The following CABLES1 variants were observed in gnomAD, a reference collection of about 807,000 sequenced individuals.
CABLES1 encodes the protein CDK5 and ABL1 enzyme substrate 1.
In CABLES1, 36 loss-of-function variants were observed where a neutral mutation model predicts 57.8. That is an observed-to-expected ratio of 0.62 (90% CI 0.48 to 0.82). The LOEUF is 0.82. Among genes scored for constraint, CABLES1 ranks in the 40% least tolerant of loss-of-function variants. The pLI is 0.00. For missense variants in CABLES1, 767 were observed against 836.6 expected (o/e 0.92, Z 1.03); for synonymous variants, 374 against 363.0 (o/e 1.03, Z -0.35).
chr18:23,239,728 T>A (rs2047688894), intron 7 of CABLES1, among the ~76,000 whole-genome samples: 1 of 152,192 alleles, frequency 6.6e-6, no homozygotes, highest in African/African-American at 2.4e-5. Context: ...CCACAACCCC[T>A]CTTCTCCTCC....
At chr18:23,182,573 C>G (rs886690063) in intron 1 of CABLES1, among the ~76,000 whole-genome samples, 2 of 152,232 alleles carry the variant, frequency 1.3e-5, no homozygotes, top group Non-Finnish European at 2.9e-5. Context: ...AAGGTGGGCT[C>G]AGGCTTTGGT....
chr18:23,203,957 C>G (rs1401292765), intron 3 of CABLES1, among the ~76,000 whole-genome samples: 2 of 152,136 alleles, frequency 1.3e-5, no homozygotes, highest in Non-Finnish European at 2.9e-5. Flanking sequence ...TCCTTGTCAT[C>G]ATCGGTGTTT....
intron 1 of CABLES1, 50 bp from the exon 2 acceptor site, chr18:23,188,788 C>T: frequency 8.1e-7 from 1 of 1,241,372 alleles, no homozygotes; most frequent in Non-Finnish European, 1.2e-6. Context: ...AATGTCTGAT[C>T]AGTTCTGCAA....
At chr18:23,223,119 C>T (rs369942715) in intron 4 of CABLES1, among the ~76,000 whole-genome samples, 5 of 152,190 alleles carry the variant, frequency 3.3e-5, no homozygotes, top group East Asian at 3.9e-4. Flanking sequence ...AGTCTTTGCT[C>T]GAGCCCTGTT....
intron 1 of CABLES1, among the ~76,000 whole-genome samples, chr18:23,172,712 T>G (rs2047091515): frequency 6.6e-6 from 1 of 152,226 alleles, no homozygotes; most frequent in Non-Finnish European, 1.5e-5. Flanking sequence ...AAGTGAATAT[T>G]CACGTGGCTT....
chr18:23,153,785 C>T (rs1027614831), intron 1 of CABLES1, among the ~76,000 whole-genome samples: 8 of 152,094 alleles, frequency 5.3e-5, no homozygotes, highest in African/African-American at 1.9e-4. Context: ...AGTCCCAACA[C>T]TTTGAGAGGC....
intron 3 of CABLES1, among the ~76,000 whole-genome samples, chr18:23,194,748 A>G (rs1264076060): frequency 6.6e-6 from 1 of 152,254 alleles, no homozygotes; most frequent in Non-Finnish European, 1.5e-5. Flanking sequence ...AATGCTCTCT[A>G]AGGCGAAGTG....
At chr18:23,217,081 T>C (rs1433668382) in intron 4 of CABLES1, among the ~76,000 whole-genome samples, 2 of 152,098 alleles carry the variant, frequency 1.3e-5, no homozygotes, top group Non-Finnish European at 2.9e-5. Flanking sequence ...TGTTTTGTTT[T>C]TTGTTTTTGT....
intron 1 of CABLES1, among the ~76,000 whole-genome samples, chr18:23,161,063 A>G (rs116497218): frequency 0.014 from 2,088 of 150,636 alleles, 55 homozygotes; most frequent in African/African-American, 0.048. Context: ...TGTGAAAACA[A>G]CTGGGTATGG....
At chr18:23,193,205 T>C (rs912663596) in intron 2 of CABLES1, among the ~76,000 whole-genome samples, 1 of 151,670 alleles carries the variant, frequency 6.6e-6, no homozygotes, top group African/African-American at 2.4e-5. Context: ...TTTTTTTTTT[T>C]TTTCCAGACT....
At chr18:23,241,637 G>A (rs1171821866) in intron 7 of CABLES1, among the ~76,000 whole-genome samples, 1 of 152,224 alleles carries the variant, frequency 6.6e-6, no homozygotes, top group African/African-American at 2.4e-5. Flanking sequence ...ATGTTCTTGT[G>A]CATGGCTTTC....
intron 1 of CABLES1, among the ~76,000 whole-genome samples, chr18:23,188,070 T>A (rs923508982): frequency 6.6e-6 from 1 of 152,224 alleles, no homozygotes; most frequent in East Asian, 1.9e-4. Context: ...CAAATGATGG[T>A]CTTTGTTCAA....
At chr18:23,221,469 C>T (rs1201948517) in intron 4 of CABLES1, among the ~76,000 whole-genome samples, 1 of 152,218 alleles carries the variant, frequency 6.6e-6, no homozygotes, top group Non-Finnish European at 1.5e-5. Context: ...TTGGAGTCCC[C>T]TCTGATGGTT....
chr18:23,161,505 A>G (rs1021663880), intron 1 of CABLES1, among the ~76,000 whole-genome samples: 3 of 150,660 alleles, frequency 2.0e-5, no homozygotes, highest in African/African-American at 4.9e-5. Flanking sequence ...TTGAACACAT[A>G]CTGTGTGACC....
At position 23,213,982 on chromosome 18, in the gene CABLES1, T is replaced by C; in HGVS notation, c.1016T>C (p.Val339Ala). The C allele has an allele frequency of 1.9e-6, 3 of 1,601,160 alleles. No homozygotes were observed. Among genetic ancestry groups the C allele is most frequent in the Non-Finnish European group, 2.6e-6 (3 of 1,170,938 alleles). The change falls in exon 4 of 10, where the codon GTC (valine) becomes GCC (alanine). Residue 339 changes from valine (V) to alanine (A), a missense_variant. Physicochemically the swap from Val to Ala is moderately conservative, Grantham distance 64 (BLOSUM62 0). Around this residue, in one of 4 missense-constraint regions of CABLES1, gnomAD observed 529 missense variants for 622.8 expected, o/e 0.85. Transcript: ENST00000256925. ...TTCTTCTTTTTATTTTTTAGAATAG[T>C]CCTTATCAGTGGCAGAAGATCCTTC... The part of the protein sequence containing the change: ...RQHDTRNGRI[V>A]LISGRRSFCS...
At chr18:23,208,739 A>G (rs2047382472) in intron 3 of CABLES1, among the ~76,000 whole-genome samples, 1 of 152,148 alleles carries the variant, frequency 6.6e-6, no homozygotes, top group Admixed American at 6.5e-5. Context: ...TAAGACAACA[A>G]CAAGGAGTTC....
intron 1 of CABLES1, among the ~76,000 whole-genome samples, chr18:23,151,209 G>A (rs766993041): frequency 3.3e-5 from 5 of 152,046 alleles, no homozygotes; most frequent in African/African-American, 7.2e-5. Context: ...TAGTAGAGAC[G>A]GGGTTTCACT....
intron 8 of CABLES1, among the ~76,000 whole-genome samples, 182 bp downstream of exon 8, chr18:23,253,248 C>T (rs1411257283): frequency 1.3e-5 from 2 of 152,078 alleles, no homozygotes; most frequent in African/African-American, 4.8e-5. Context: ...TTTGGGAGGC[C>T]GAAGTGGGCG....
Position 23,172,869 on chromosome 18 carries a change from C to T in CABLES1, c.846-15969C>T, listed in dbSNP as rs184404799. Among the ~76,000 whole-genome samples the T allele has an allele frequency of 2.2e-4, 33 of 152,282 alleles. 1 individual carries two copies. In the East Asian group the frequency reaches 4.8e-3, roughly 22 times the overall value. On this transcript the variant is annotated intron_variant, in intron 1 of 9. Coordinates refer to ENST00000256925, the MANE Select transcript of CABLES1 (RefSeq NM_001100619.3). ...GCGAGCTGTTAAAAAATTAAACTTC[C>T]TCTGCTAAGGCCGATGGAAGCACCT...
Sources: allele counts gnomAD v4.1 joint callset (sites outside exome capture counted in the v4.1 genomes callset), GRCh38; gene constraint gnomAD v4.1.1; regional missense constraint gnomAD v4.1.1; transcripts MANE v1.5; gene names NCBI Gene and HGNC (gene_info 2026-07-23, HGNC 2026-07-21).